CMTM4: variants seen among roughly 807,000 people sequenced by gnomAD.
CMTM4 encodes CKLF like MARVEL transmembrane domain containing 4, also known as CKLF-like MARVEL transmembrane domain-containing protein 4.
A neutral mutation model predicts 19.0 loss-of-function variants in CMTM4; 8 were observed. The observed-to-expected ratio is 0.42, with a 90% CI of 0.25 to 0.76. The LOEUF is 0.76. Among genes scored for constraint, CMTM4 ranks in the 30% least tolerant of loss-of-function variants. The pLI, the probability that CMTM4 is intolerant of heterozygous loss-of-function variation, is 0.27. For synonymous variants in CMTM4, 106 were observed against 121.1 expected, an observed-to-expected ratio of 0.88 and a Z score of 0.82; for missense variants, 228 against 290.2, an observed-to-expected ratio of 0.79 and a Z score of 1.56.
chr16:66,627,194 G>A (rs1007355012), intron 2 of CMTM4, among the ~76,000 whole-genome samples: 24 of 152,264 alleles, frequency 1.6e-4, no homozygotes, highest in African/African-American at 4.8e-4. Flanking sequence ...TCAATAAAAT[G>A]GTATTTCCAT....
At position 66,663,532 on chromosome 16, in the gene CMTM4, CTTTTTTTTTTTTTTTTT is replaced by C. The variant is rs1178140315; in HGVS notation, c.187-26968_187-26952del. 5.4e-5 allele frequency among the ~76,000 whole-genome samples: 3 copies of C among 55,256 alleles called. No homozygotes were observed. The South Asian group carries it at 2.0e-3, about 38-fold the overall frequency. The allele number at this position is 55,256 out of a possible 152,430, so 36.3% of individuals were successfully genotyped here. ...TCTATGGTTCTAAGATTTTCATTTG[CTTTTTTTTTTTTTTTTT>C]TTTTTTTTTTTTGAGACAGAGTCTA... On this transcript the variant is annotated intron_variant, in intron 1 of 3. Coordinates refer to ENST00000394106, the MANE Select transcript of CMTM4 (RefSeq NM_181521.3).
chr16:66,681,594 G>A (rs886411796), intron 1 of CMTM4, among the ~76,000 whole-genome samples: 4 of 152,070 alleles, frequency 2.6e-5, no homozygotes, highest in East Asian at 3.9e-4. Flanking sequence ...GTGAGCCACC[G>A]CGCCCAGCCT....
intron 2 of CMTM4, among the ~76,000 whole-genome samples, chr16:66,630,968 G>C (rs2015848523): frequency 1.3e-5 from 2 of 151,856 alleles, no homozygotes; most frequent in South Asian, 4.2e-4. Flanking sequence ...TGGGAGGTGA[G>C]GAGCGTCTCT....
chr16:66,644,523 C>G (rs1429317807), intron 1 of CMTM4, among the ~76,000 whole-genome samples: 2 of 152,192 alleles, frequency 1.3e-5, no homozygotes, highest in Non-Finnish European at 2.9e-5. Flanking sequence ...GAAGGCCCCC[C>G]CTTTGTCATT....
chr16:66,683,165 A>G lies in CMTM4; in HGVS notation c.186+13175T>C, dbSNP rs1567432134. ...TATATATGTATATATATATACGTAT[A>G]TATATATATACATATGTATATATAT... On this transcript the variant is annotated intron_variant, in intron 1 of 3. Transcript: ENST00000394106. Among the ~76,000 whole-genome samples the G allele has an allele frequency of 1.6e-3, 169 of 104,506 alleles. 2 individuals carry two copies. Among genetic ancestry groups the G allele is most frequent in the African/African-American group, 3.8e-3 (114 of 29,698 alleles). The allele number at this position is 104,506 out of a possible 152,430, so 68.6% of individuals were successfully genotyped here. A position where few individuals can be genotyped will look rare whatever the true frequency, so the allele number is the denominator to read the frequency against.
the CMTM4 span, among the ~76,000 whole-genome samples, chr16:66,600,012 T>A: frequency 6.6e-6 from 1 of 152,144 alleles, no homozygotes; most frequent in Non-Finnish European, 1.5e-5. Flanking sequence ...TGGACGTTCA[T>A]ATATGTCTTT....
At chr16:66,648,731 G>A (rs1168256774) in intron 1 of CMTM4, among the ~76,000 whole-genome samples, 1 of 151,794 alleles carries the variant, frequency 6.6e-6, no homozygotes, top group Non-Finnish European at 1.5e-5. Flanking sequence ...CAACACTTTG[G>A]GAGGCTGAAG....
intron 1 of CMTM4, among the ~76,000 whole-genome samples, chr16:66,680,478 C>CAAAAAAAAAAAAAAA: frequency 1.0e-5 from 1 of 96,824 alleles, no homozygotes; most frequent in African/African-American, 4.0e-5. Flanking sequence ...GACTCCATCT[C>CAAAAAAAAAAAAAAA]AAAAAAAAAA....
chr16:66,605,056 G>T, the CMTM4 span: 1 of 1,054,880 alleles, frequency 9.5e-7, no homozygotes, highest in Non-Finnish European at 1.2e-6. The surrounding 1 kb of genome is among the most constrained non-coding windows in gnomAD (Gnocchi z 4.6). Context: ...GCCGTGCTCC[G>T]ATACCCCCTC....
rs1596895964 is a variant in CMTM4, at chr16:66,617,187, T to C, written c.*4871A>G. The C allele has an allele frequency of 7.6e-7, 1 of 1,322,080 alleles. No individual in the cohort carries two copies. Among genetic ancestry groups the C allele is most frequent in the East Asian group, 2.4e-5 (1 of 42,134 alleles). 81.9% of individuals were successfully genotyped at this position (1,322,080 alleles called of 1,614,324 possible). A position where few individuals can be genotyped will look rare whatever the true frequency, so the allele number is the denominator to read the frequency against. Reference sequence around the variant, plus strand: ...GTGTCTAGATAGCAAGTCACCTGAATTAAAGCCTCAGCATAAAAAAACAAA... The same window carrying C: ...GTGTCTAGATAGCAAGTCACCTGAACTAAAGCCTCAGCATAAAAAAACAAA... On this transcript the variant is annotated 3_prime_UTR_variant, in exon 4 of 4. Transcript: ENST00000394106.
intron 1 of CMTM4, among the ~76,000 whole-genome samples, chr16:66,677,613 G>GTACTCCTACTCCTACTCCTACTCC (rs2016832133): frequency 6.6e-6 from 1 of 152,164 alleles, no homozygotes; most frequent in East Asian, 1.9e-4. Flanking sequence ...AGTCTTATCT[G>GTACTCCTACTCCTACTCCTACTCC]TACTCCTACT....
chr16:66,623,422 T>G lies in CMTM4; in HGVS notation c.444A>C (p.Gly148=). 1 of 1,613,790 alleles carries G rather than the reference T, an allele frequency of 6.2e-7. No homozygotes were observed. The highest frequency in any genetic ancestry group is 8.5e-7 in the Non-Finnish European group (1 of 1,179,878). Residue 148 remains glycine, a synonymous_variant, in exon 3 of 4, where the codon GGA becomes GGC. Coordinates refer to ENST00000394106, the MANE Select transcript of CMTM4 (RefSeq NM_181521.3). ...IVLAALNHRA[G]AEIAAVIFGF... ...TGCTTACCACGGCAGCAATTTCTGCTCCGGCTCTATGGTTTAAAGCAGCCA... is the reference window on the plus strand; with the variant it reads ...TGCTTACCACGGCAGCAATTTCTGCGCCGGCTCTATGGTTTAAAGCAGCCA...
chr16:66,661,024 G>A (rs1417490148), intron 1 of CMTM4, among the ~76,000 whole-genome samples: 1 of 152,106 alleles, frequency 6.6e-6, no homozygotes, highest in East Asian at 1.9e-4. Context: ...AGGCATCTAC[G>A]AAACAGTCAT....
intron 1 of CMTM4, among the ~76,000 whole-genome samples, chr16:66,683,180 T>TATATATATATAC (rs1491498902): frequency 1.8e-3 from 150 of 85,654 alleles, no homozygotes; most frequent in East Asian, 0.012. Context: ...TATATACATA[T>TATATATATATAC]GTATATATAT....
downstream of CMTM4, chr16:66,613,081 C>T: frequency 1.4e-6 from 1 of 703,044 alleles, no homozygotes; most frequent in Non-Finnish European, 2.6e-6. Flanking sequence ...GGTTTGTCTG[C>T]ACTTGGTGCT....
At chr16:66,674,570 C>T (rs1388358060) in intron 1 of CMTM4, among the ~76,000 whole-genome samples, 1 of 151,942 alleles carries the variant, frequency 6.6e-6, no homozygotes, top group Non-Finnish European at 1.5e-5. Flanking sequence ...AAACTAATTT[C>T]CACTGGAATT....
Position 66,620,952 on chromosome 16 carries a change from C to A in CMTM4, c.*1106G>T. 1 of 985,880 alleles carries A rather than the reference C, an allele frequency of 1.0e-6. No homozygotes were observed. Among genetic ancestry groups the A allele is most frequent in the Non-Finnish European group, 1.2e-6 (1 of 829,940 alleles). 61.1% of individuals were successfully genotyped at this position (985,880 alleles called of 1,614,324 possible). A position where few individuals can be genotyped will look rare whatever the true frequency, so the allele number is the denominator to read the frequency against. On this transcript the variant is annotated 3_prime_UTR_variant, in exon 4 of 4. Transcript: ENST00000394106. ...TAGCTAGGATTTTTCCCCCCAACAA[C>A]TCCCAAGAATGATGTCTACAGTTAT...
rs1352446543 is a variant in CMTM4, at chr16:66,670,461, C to T, written c.186+25879G>A. ...TCTCAAAAAAAAAAAAAAAAAAAAT[C>T]GTGCACTTCTCTATACGTATATTGC... On this transcript the variant is annotated intron_variant, in intron 1 of 3. Coordinates refer to ENST00000394106, the MANE Select transcript of CMTM4 (RefSeq NM_181521.3). Among the ~76,000 whole-genome samples, 8 of 137,292 alleles carry T rather than the reference C, an allele frequency of 5.8e-5. No homozygotes were observed. The South Asian group carries it at 9.5e-4, about 16-fold the overall frequency. The allele number at this position is 137,292 out of a possible 152,430, so 90.1% of individuals were successfully genotyped here. A position where few individuals can be genotyped will look rare whatever the true frequency, so the allele number is the denominator to read the frequency against.
At chr16:66,636,347 T>C in intron 2 of CMTM4, 58 bp downstream of exon 2, 1 of 1,430,250 alleles carries the variant, frequency 7.0e-7, no homozygotes, top group Non-Finnish European at 9.7e-7. Context: ...TTCCAGCTTT[T>C]CCTTGGAGCC....
Sources: gnomAD v4.1 joint callset for allele counts (sites outside exome capture counted in the v4.1 genomes callset) on GRCh38, gnomAD v4.1.1 for gene constraint, Gnocchi (gnomAD v3.1) non-coding constraint, MANE v1.5 for transcripts, NCBI Gene and HGNC (gene_info 2026-07-23, HGNC 2026-07-21) for gene names.